Variants in PTPRT observed in about 807,000 individuals in gnomAD.
The protein encoded by PTPRT is protein tyrosine phosphatase receptor type T.
In PTPRT, 56 loss-of-function variants were observed where a neutral mutation model predicts 176.8. The ratio of observed to expected loss-of-function variants is 0.32; its 90% CI spans 0.26 to 0.40. PTPRT has a LOEUF of 0.40. Ranked by LOEUF, PTPRT falls within the 10% of genes least tolerant of loss-of-function variation. The pLI is 1.00. For missense variants in PTPRT, 1,540 were observed against 1,908.2 expected (o/e 0.81, Z 3.60); for synonymous variants, 783 against 739.0 (o/e 1.06, Z -0.96).
At chr20:42,196,828 A>G (rs1393119935) in intron 16 of PTPRT, among the ~76,000 whole-genome samples, 1 of 152,202 alleles carries the variant, frequency 6.6e-6, no homozygotes. Context: ...GATGTTAAAT[A>G]TTTGCTCATA....
chr20:42,307,667 A>G (rs911083030), intron 12 of PTPRT, among the ~76,000 whole-genome samples: 1 of 152,210 alleles, frequency 6.6e-6, no homozygotes, highest in East Asian at 1.9e-4. Flanking sequence ...GATAAGATCA[A>G]TTGTGCCAAA....
chr20:42,752,929 T>G (rs1225018651), intron 6 of PTPRT, among the ~76,000 whole-genome samples: 1 of 152,116 alleles, frequency 6.6e-6, no homozygotes, highest in Non-Finnish European at 1.5e-5. Flanking sequence ...CTGCCTTTTA[T>G]TTTCTTGTTT....
intron 1 of PTPRT, among the ~76,000 whole-genome samples, chr20:42,973,434 C>CCTCT (rs570613568): frequency 1.3e-5 from 2 of 150,808 alleles, no homozygotes; most frequent in African/African-American, 4.9e-5. Flanking sequence ...TTTATCCCAT[C>CCTCT]CTCTCTCTCT....
chr20:42,779,100 G>A (rs1352471279), intron 4 of PTPRT, among the ~76,000 whole-genome samples: 1 of 152,216 alleles, frequency 6.6e-6, no homozygotes, highest in Non-Finnish European at 1.5e-5. Flanking sequence ...AAGACAATGA[G>A]TCAGACAACG....
chr20:42,348,560 G>A (rs1182905408), intron 11 of PTPRT, among the ~76,000 whole-genome samples: 1 of 152,070 alleles, frequency 6.6e-6, no homozygotes, highest in Non-Finnish European at 1.5e-5. Flanking sequence ...AACTGACTTA[G>A]CTTCTGTTTG....
chr20:42,837,368 C>T (rs2078199570), intron 2 of PTPRT, among the ~76,000 whole-genome samples: 1 of 152,186 alleles, frequency 6.6e-6, no homozygotes, highest in African/African-American at 2.4e-5. Flanking sequence ...GGTATCTGGC[C>T]TCCGCCACCC....
chr20:42,468,319 C>A (rs2071134760), intron 8 of PTPRT, among the ~76,000 whole-genome samples: 2 of 152,202 alleles, frequency 1.3e-5, no homozygotes, highest in African/African-American at 4.8e-5. Flanking sequence ...CTAGCCTCAT[C>A]TTGTCCTTGA....
intron 7 of PTPRT, among the ~76,000 whole-genome samples, chr20:42,650,200 T>C (rs556618510): frequency 3.3e-4 from 50 of 152,330 alleles, no homozygotes; most frequent in Middle Eastern, 3.4e-3. Flanking sequence ...ACAGAATGAT[T>C]AAGAAACTTG....
At chr20:42,439,503 C>T (rs189465035) in intron 9 of PTPRT, among the ~76,000 whole-genome samples, 1 of 152,238 alleles carries the variant, frequency 6.6e-6, no homozygotes, top group East Asian at 1.9e-4. Flanking sequence ...GAATTTAATC[C>T]TTAAAAAAAT....
At chr20:42,593,439 T>C (rs1458844921) in intron 7 of PTPRT, among the ~76,000 whole-genome samples, 1 of 152,166 alleles carries the variant, frequency 6.6e-6, no homozygotes, top group Admixed American at 6.5e-5. Flanking sequence ...TCTTAATAGA[T>C]GTGTTAGGTG....
intron 2 of PTPRT, among the ~76,000 whole-genome samples, chr20:42,875,235 G>A (rs1356668921): frequency 6.6e-6 from 1 of 152,184 alleles, no homozygotes; most frequent in African/African-American, 2.4e-5. Flanking sequence ...AGGACATCAT[G>A]TTGCTTTTCA....
At chr20:42,270,919 C>A (rs1045324741) in intron 13 of PTPRT, among the ~76,000 whole-genome samples, 1 of 152,092 alleles carries the variant, frequency 6.6e-6, no homozygotes, top group Admixed American at 6.6e-5. Flanking sequence ...TTAATTCTAC[C>A]CCAGAAAAGC....
intron 15 of PTPRT, among the ~76,000 whole-genome samples, chr20:42,224,298 C>G (rs2055954251): frequency 6.6e-6 from 1 of 152,166 alleles, no homozygotes; most frequent in Admixed American, 6.5e-5. Flanking sequence ...TTGCAAGAAA[C>G]TAAATACTAT....
rs11905560 is a variant in PTPRT, at chr20:43,127,321, G to A, written c.88+62325C>T. 2.9e-3 allele frequency among the ~76,000 whole-genome samples: 434 copies of A among 151,896 alleles called. 1 individual carries two copies. Among genetic ancestry groups the A allele is most frequent in the African/African-American group, 0.01 (415 of 41,392 alleles). Reference sequence around the variant, plus strand: ...ACCTGTAGTCCCAGCTACTCGGGAGGCTGAGGCAGGAGAATGGCGTGAACC... The same window carrying A: ...ACCTGTAGTCCCAGCTACTCGGGAGACTGAGGCAGGAGAATGGCGTGAACC... On this transcript the variant is annotated intron_variant, in intron 1 of 30. Transcript: ENST00000373187.
At chr20:42,522,354 G>T (rs1039451356) in intron 7 of PTPRT, among the ~76,000 whole-genome samples, 1 of 151,416 alleles carries the variant, frequency 6.6e-6, no homozygotes, top group African/African-American at 2.4e-5. Flanking sequence ...TTTTGTTGTT[G>T]TGTCTCATAT....
chr20:42,385,948 A>T (rs984980873), intron 9 of PTPRT, among the ~76,000 whole-genome samples: 1 of 152,216 alleles, frequency 6.6e-6, no homozygotes, highest in Non-Finnish European at 1.5e-5. Flanking sequence ...AAGAGTAGAG[A>T]TCTCATGCTA....
chr20:42,554,296 T>TA (rs1313466713), intron 7 of PTPRT, among the ~76,000 whole-genome samples: 10 of 151,708 alleles, frequency 6.6e-5, no homozygotes, highest in South Asian at 2.1e-4. Context: ...CTGAAATTCT[T>TA]AAAAAAAAAT....
At chr20:42,111,819 A>T (rs1315559062) in intron 22 of PTPRT, among the ~76,000 whole-genome samples, 1 of 152,158 alleles carries the variant, frequency 6.6e-6, no homozygotes, top group Non-Finnish European at 1.5e-5. Flanking sequence ...TGCACTCTTA[A>T]TCATTCTAAT....
chr20:42,101,100 T>C lies in PTPRT; in HGVS notation c.3714+1024A>G, dbSNP rs75549192. Among the ~76,000 whole-genome samples, 129 of 152,294 alleles carry C rather than the reference T, an allele frequency of 8.5e-4. 1 individual carries two copies. The highest frequency in any genetic ancestry group is 2.7e-3 in the African/African-American group (113 of 41,558). ...AGATAGGAGGGCCACATGGGCTAGA[T>C]GGATGTGAACTCAGATGGGCTGGGG... On this transcript the variant is annotated intron_variant, in intron 26 of 30. Coordinates refer to ENST00000373187, the MANE Select transcript of PTPRT (RefSeq NM_007050.6).
Sources: gnomAD v4.1 joint callset for allele counts (sites outside exome capture counted in the v4.1 genomes callset) on GRCh38, gnomAD v4.1.1 for gene constraint, MANE v1.5 for transcripts, NCBI Gene and HGNC (gene_info 2026-07-23, HGNC 2026-07-21) for gene names.